Variants in ADAMTS6 observed in about 807,000 individuals in gnomAD.
ADAMTS6 encodes A disintegrin and metalloproteinase with thrombospondin motifs 6.
Under a neutral mutation model 144.3 loss-of-function variants are expected in ADAMTS6, and 23 were observed. The ratio of observed to expected loss-of-function variants is 0.16; its 90% CI spans 0.11 to 0.23. The LOEUF (loss-of-function observed/expected upper bound fraction) is 0.23, where lower values mean the gene tolerates loss of function less well. ADAMTS6 is among the 10% of genes least tolerant of loss of function. The pLI is 1.00. For synonymous variants in ADAMTS6, 444 were observed against 457.5 expected (o/e 0.97, Z 0.38); for missense variants, 999 against 1,379.6 (o/e 0.72, Z 4.37).
rs1561297867 is a variant in ADAMTS6, at chr5:65,224,375, T to C, written c.2217A>G (p.Pro739=). Residue 739 remains proline, a synonymous_variant, in exon 18 of 25, where the codon CCA becomes CCG. Coordinates refer to ENST00000381055, the MANE Select transcript of ADAMTS6 (RefSeq NM_197941.4). ...TAACTTCAATGTGAACAGAGCCTCT[T>C]GGTATCTGCACCACTTCCATGTAGC... is the stretch of plus-strand genomic sequence containing the variant. ...RGGYMEVVQI[P]RGSVHIEVRE... The C allele has an allele frequency of 3.7e-6, 6 of 1,614,016 alleles. No individual in the cohort carries two copies. The highest frequency in any genetic ancestry group is 5.1e-6 in the Non-Finnish European group (6 of 1,180,014).
intron 9 of ADAMTS6, among the ~76,000 whole-genome samples, chr5:65,315,210 C>T (rs1464783908): frequency 6.6e-6 from 1 of 151,968 alleles, no homozygotes; most frequent in African/African-American, 2.4e-5. Context: ...AATGAGCCTA[C>T]ATTACACATG....
intron 24 of ADAMTS6, among the ~76,000 whole-genome samples, chr5:65,152,401 T>C (rs1343035776): frequency 1.3e-5 from 2 of 152,150 alleles, no homozygotes; most frequent in East Asian, 3.8e-4. Flanking sequence ...CTCCAGAGAA[T>C]CTCTGCATCT....
At chr5:65,228,325 T>C (rs1437424848) in intron 15 of ADAMTS6, among the ~76,000 whole-genome samples, 3 of 152,202 alleles carry the variant, frequency 2.0e-5, no homozygotes, top group South Asian at 2.1e-4. Flanking sequence ...GCAGGACATA[T>C]AAATACTATG....
intron 7 of ADAMTS6, among the ~76,000 whole-genome samples, chr5:65,349,138 A>G (rs564099142): frequency 6.6e-6 from 1 of 152,180 alleles, no homozygotes; most frequent in Non-Finnish European, 1.5e-5. Context: ...AGGAAGAAAA[A>G]GCATAATATA....
chr5:65,301,397 A>ATGAG (rs1743357810), intron 9 of ADAMTS6, among the ~76,000 whole-genome samples: 1 of 152,208 alleles, frequency 6.6e-6, no homozygotes, highest in Non-Finnish European at 1.5e-5. Context: ...TGTAAAATAG[A>ATGAG]TGAGGATAGT....
intron 22 of ADAMTS6, among the ~76,000 whole-genome samples, chr5:65,185,973 A>G (rs911264899): frequency 1.3e-5 from 2 of 152,192 alleles, no homozygotes; most frequent in African/African-American, 2.4e-5. Flanking sequence ...TTCTTCTAGA[A>G]ATTTCTCAGA....
chr5:65,460,055 T>G (rs1049202226), intron 4 of ADAMTS6, 115 bp downstream of exon 4: 3 of 1,165,924 alleles, frequency 2.6e-6, no homozygotes, highest in Non-Finnish European at 3.5e-6. Flanking sequence ...CTGGACATTA[T>G]AATTGTAGTC....
chr5:65,334,950 CTG>C (rs1214525262), intron 7 of ADAMTS6, among the ~76,000 whole-genome samples: 2 of 152,234 alleles, frequency 1.3e-5, no homozygotes, highest in Admixed American at 1.3e-4. Flanking sequence ...TTATTTGCCT[CTG>C]TTTTATGCTA....
rs763571362 is a variant in ADAMTS6, at chr5:65,187,967, ATAGT to A, written c.2910+45_2910+48del. 5.8e-5 allele frequency: 92 copies of A among 1,586,438 alleles called. 1 individual carries two copies. In the East Asian group the frequency reaches 9.4e-4, roughly 16 times the overall value. ...CTTAATATTAACTGCTTTAGGATAGATAGTTAGGACATTTCAAAACATATACATA... is the reference window on the plus strand; with the variant it reads ...CTTAATATTAACTGCTTTAGGATAGATAGGACATTTCAAAACATATACATA... On this transcript the variant is annotated intron_variant, in intron 22 of 24. Coordinates refer to ENST00000381055, the MANE Select transcript of ADAMTS6 (RefSeq NM_197941.4).
At chr5:65,181,048 T>C (rs2112135492) in intron 22 of ADAMTS6, among the ~76,000 whole-genome samples, 1 of 152,322 alleles carries the variant, frequency 6.6e-6, no homozygotes, top group South Asian at 2.1e-4. Flanking sequence ...GTTTTTAAAA[T>C]GAGAAAACAA....
chr5:65,260,727 A>G, intron 13 of ADAMTS6, 64 bp from the exon 14 acceptor site: 1 of 1,268,274 alleles, frequency 7.9e-7, no homozygotes, highest in East Asian at 2.4e-5. Context: ...GAGTATATAT[A>G]TTACTTGATG....
At chr5:65,172,773 C>G in intron 23 of ADAMTS6, 59 bp downstream of exon 23, 1 of 1,563,296 alleles carries the variant, frequency 6.4e-7, no homozygotes. Context: ...ACACAAGGAA[C>G]CTCAGGTTTG....
Position 65,293,650 on chromosome 5 carries a change from T to C in ADAMTS6, c.1371-2180A>G, listed in dbSNP as rs1742544775. 3.3e-5 allele frequency among the ~76,000 whole-genome samples: 5 copies of C among 152,160 alleles called. No individual in the cohort carries two copies. In the South Asian group the frequency reaches 1.0e-3, roughly 32 times the overall value. On this transcript the variant is annotated intron_variant, in intron 10 of 24. Coordinates refer to ENST00000381055, the MANE Select transcript of ADAMTS6 (RefSeq NM_197941.4). Reference sequence around the variant, plus strand: ...GCTTCATCTAAAATTATTGTTTCAATATATTAATATTAGTGGTTTTCTAAT... The same window carrying C: ...GCTTCATCTAAAATTATTGTTTCAACATATTAATATTAGTGGTTTTCTAAT...
At chr5:65,188,961 C>A (rs1054298004) in intron 21 of ADAMTS6, among the ~76,000 whole-genome samples, 3 of 152,148 alleles carry the variant, frequency 2.0e-5, no homozygotes, top group Non-Finnish European at 4.4e-5. Flanking sequence ...AATGTCCTTA[C>A]AAGGACAGAG....
At chr5:65,318,385 A>G (rs943531118) in intron 9 of ADAMTS6, among the ~76,000 whole-genome samples, 9 of 152,222 alleles carry the variant, frequency 5.9e-5, no homozygotes, top group African/African-American at 1.9e-4. Context: ...CTAGGTATAT[A>G]CCCAAAATAA....
intron 20 of ADAMTS6, among the ~76,000 whole-genome samples, chr5:65,212,722 T>C (rs898858151): frequency 3.3e-5 from 5 of 152,130 alleles, no homozygotes; most frequent in Non-Finnish European, 7.4e-5. Flanking sequence ...TCCCCAAATA[T>C]AGCAATTTCA....
intron 7 of ADAMTS6, among the ~76,000 whole-genome samples, chr5:65,408,875 T>C (rs1754807266): frequency 6.6e-6 from 1 of 152,202 alleles, no homozygotes; most frequent in Non-Finnish European, 1.5e-5. Context: ...ACATGGAAAC[T>C]GAACAACCTG....
At chr5:65,323,670 C>G (rs1745870170) in intron 9 of ADAMTS6, among the ~76,000 whole-genome samples, 2 of 152,120 alleles carry the variant, frequency 1.3e-5, no homozygotes, top group Non-Finnish European at 2.9e-5. Flanking sequence ...ATTTCTAGTT[C>G]TAGATTCCTG....
chr5:65,329,357 G>T (rs770643511), intron 9 of ADAMTS6, 21 bp downstream of exon 9: 4 of 1,606,262 alleles, frequency 2.5e-6, no homozygotes, highest in African/African-American at 1.3e-5. Context: ...AATTTATTTT[G>T]ATTTTCTTAA....
Sources: allele counts gnomAD v4.1 joint callset (sites outside exome capture counted in the v4.1 genomes callset), GRCh38; gene constraint gnomAD v4.1.1; transcripts MANE v1.5; gene names NCBI Gene and HGNC (gene_info 2026-07-23, HGNC 2026-07-21).